MAP3K10: variants seen among roughly 807,000 people sequenced by gnomAD.
MAP3K10 encodes the protein MKN28 derived nonreceptor_type serine/threonine kinase.
MAP3K10 carries 22 observed loss-of-function variants against 75.0 expected under a neutral mutation model. The observed-to-expected ratio is 0.29, with a 90% CI of 0.21 to 0.42. MAP3K10 has a LOEUF of 0.42. Ranked by LOEUF, MAP3K10 falls within the 10% of genes least tolerant of loss-of-function variation. The pLI is 1.00. For synonymous variants in MAP3K10, 599 were observed against 612.9 expected, an observed-to-expected ratio of 0.98 and a Z score of 0.34; for missense variants, 1,165 against 1,379.8, an observed-to-expected ratio of 0.84 and a Z score of 2.47.
rs1206287181 is a variant in MAP3K10 at position 40,192,037 on chromosome 19, G to A, written c.6G>A (p.Glu2=). The part of the protein sequence containing the change: M[E]EEEGAVAKEW... The stretch of plus-strand genomic sequence containing the variant: ...CAGCCCCCGGCCCCTCCCCCATGGA[G>A]GAGGAGGAGGGGGCGGTGGCCAAGG... Residue 2 remains glutamate, a synonymous_variant, in exon 1 of 10, where the codon GAG becomes GAA. Transcript: ENST00000253055. The surrounding 1 kb of genome is among the most constrained non-coding windows in gnomAD (Gnocchi z 7.1). 2 of 1,430,716 alleles carry A rather than the reference G, an allele frequency of 1.4e-6. No individual in the cohort carries two copies. The highest frequency in any genetic ancestry group is 1.8e-6 in the Non-Finnish European group (2 of 1,094,718). 88.6% of individuals were successfully genotyped at this position (1,430,716 alleles called of 1,614,324 possible).
intron 6 of MAP3K10, among the ~76,000 whole-genome samples, chr19:40,211,186 G>A (rs1973231240): frequency 6.6e-6 from 1 of 152,136 alleles, no homozygotes; most frequent in Admixed American, 6.5e-5. Context: ...AGAACAGCAT[G>A]GGCTGCTTGT....
In MAP3K10 at chr19:40,192,266, G is replaced by A; in HGVS notation, c.235G>A (p.Gly79Ser). The A allele has an allele frequency of 6.2e-6, 10 of 1,602,300 alleles. No individual in the cohort carries two copies. The highest frequency in any genetic ancestry group is 8.5e-6 in the Non-Finnish European group (10 of 1,175,962). ...CTTCCCCAGCAACTACGTGGCCCCC[G>A]GCGCCCCCGCTGCACCCGCGGGCCT... Reference protein sequence around the residue: ...GVFPSNYVAPGAPAAPAGLQL... With the variant: ...GVFPSNYVAPSAPAAPAGLQL... The change falls in exon 1 of 10, where the codon GGC becomes AGC. Residue 79 changes from glycine to serine, a missense_variant. By Grantham distance (56) the Gly-to-Ser change is moderately conservative (BLOSUM62 0). This residue lies in a region of MAP3K10 where 575 missense variants were observed against 793.2 expected (regional missense o/e 0.72). Coordinates refer to ENST00000253055, the MANE Select transcript of MAP3K10 (RefSeq NM_002446.4). The surrounding 1 kb of genome is among the most constrained non-coding windows in gnomAD (Gnocchi z 7.1).
chr19:40,202,287 G>T (rs554493967), intron 2 of MAP3K10, among the ~76,000 whole-genome samples: 1 of 152,198 alleles, frequency 6.6e-6, no homozygotes, highest in South Asian at 2.1e-4. Context: ...TGATCCGCCC[G>T]CCTCGGCCTC....
chr19:40,204,699 C>T lies in MAP3K10; in HGVS notation c.1012+66C>T. 2.6e-6 allele frequency: 4 copies of T among 1,560,008 alleles called. No individual in the cohort carries two copies. Among genetic ancestry groups the T allele is most frequent in the Non-Finnish European group, 3.5e-6 (4 of 1,148,570 alleles). ...GTGGCAGGGACCTGTGGGCCCAGAC[C>T]TTTCCCCTTCACACCTATCCATACC... On this transcript the variant is annotated intron_variant, in intron 3 of 9. Transcript: ENST00000253055. This position sits in a 1 kb window ranked among gnomAD's most constrained non-coding sequence, Gnocchi z 4.3.
rs7259191 is a variant in MAP3K10 at position 40,211,992 on chromosome 19, T to G, written c.1553-813T>G. 4.4e-3 allele frequency among the ~76,000 whole-genome samples: 665 copies of G among 152,320 alleles called. 8 individuals carry two copies. Among genetic ancestry groups the G allele is most frequent in the African/African-American group, 0.015 (633 of 41,580 alleles). ...CTTCTGCCTGGGCCTCCCAAAGTGC[T>G]GGGATTCCAGGCAAGAGCCACCGCA... On this transcript the variant is annotated intron_variant, in intron 6 of 9. Coordinates refer to ENST00000253055, the MANE Select transcript of MAP3K10 (RefSeq NM_002446.4).
rs1430392363 is a variant in MAP3K10, at chr19:40,209,150, C to G, written c.1483C>G (p.Arg495Gly). The change falls in exon 6 of 10, where the codon CGG becomes GGG. Residue 495 changes from arginine (R) to glycine (G), a missense_variant. Physicochemically the swap from Arg to Gly is moderately radical, Grantham distance 125. This residue lies in a region of MAP3K10 where 575 missense variants were observed against 793.2 expected (regional missense o/e 0.72). Coordinates refer to ENST00000253055, the MANE Select transcript of MAP3K10 (RefSeq NM_002446.4). ...CCAGGCCTCTCCAACTCTGGATAAG[C>G]GGAAAGGATCCGATGGGGCCAGCCC... ...TVQASPTLDK[R>G]KGSDGASPPA... is the part of the protein sequence containing the mutation. 2 of 1,614,064 alleles carry G rather than the reference C, an allele frequency of 1.2e-6. No homozygotes were observed. Among genetic ancestry groups the G allele is most frequent in the Admixed American group, 3.3e-5 (2 of 60,004 alleles).
chr19:40,205,674 A>G lies in MAP3K10; in HGVS notation c.1189-237A>G, dbSNP rs1368716687. 2 of 525,138 alleles carry G rather than the reference A, an allele frequency of 3.8e-6. No homozygotes were observed. Among genetic ancestry groups the G allele is most frequent in the Non-Finnish European group, 6.6e-6 (2 of 301,356 alleles). The allele number at this position is 525,138 out of a possible 1,614,324, so 32.5% of individuals were successfully genotyped here. ...CTTTTGTGGATGTTTGAAGTTTTCT[A>G]AATTGAAGAGTTAAGAAAGAAAAAG... On this transcript the variant is annotated intron_variant, in intron 4 of 9. Transcript: ENST00000253055. This position sits in a 1 kb window ranked among gnomAD's most constrained non-coding sequence, Gnocchi z 4.3.
chr19:40,213,825 C>T lies in MAP3K10; in HGVS notation c.2146C>T (p.Arg716Cys), dbSNP rs746544827. 34 of 1,313,928 alleles carry T rather than the reference C, an allele frequency of 2.6e-5. No homozygotes were observed. The highest frequency in any genetic ancestry group is 3.1e-5 in the Non-Finnish European group (32 of 1,030,380). 81.4% of individuals were successfully genotyped at this position (1,313,928 alleles called of 1,614,324 possible). The stretch of plus-strand genomic sequence containing the variant: ...CGGCCTCTTCTTTCCCCGCGCCGGC[C>T]GCTTCCCGCGGGGCCTCAGCCCACC... Reference protein sequence around the residue: ...LDGLFFPRAGRFPRGLSPPAR... With the variant: ...LDGLFFPRAGCFPRGLSPPAR... The change falls in exon 9 of 10, where the codon CGC becomes TGC. Residue 716 changes from arginine to cysteine, a missense_variant. Coordinates refer to ENST00000253055, the MANE Select transcript of MAP3K10 (RefSeq NM_002446.4). This position sits in a 1 kb window ranked among gnomAD's most constrained non-coding sequence, Gnocchi z 5.7.
At chr19:40,195,781 C>T (rs1343715274) in intron 1 of MAP3K10, among the ~76,000 whole-genome samples, 33 of 152,106 alleles carry the variant, frequency 2.2e-4, no homozygotes, top group Non-Finnish European at 1.5e-5. Context: ...AGGCATGAGC[C>T]ACCGCGTCCA....
intron 1 of MAP3K10, among the ~76,000 whole-genome samples, chr19:40,195,471 C>CTTTT (rs61289931): frequency 0.05 from 2,414 of 48,568 alleles, 872 homozygotes; most frequent in Non-Finnish European, 0.083. Flanking sequence ...CCCGCCCGGC[C>CTTTT]TTTTTTTTTT....
At position 40,204,955 on chromosome 19, in the gene MAP3K10, T is replaced by G. The variant is rs528658957; in HGVS notation, c.1013-166T>G. ...GTTTCTCTCCCAGCGTTTCACTGAG[T>G]GGAATTGGCCAGGAGCTTGGCTTTG... On this transcript the variant is annotated intron_variant, in intron 3 of 9. Coordinates refer to ENST00000253055, the MANE Select transcript of MAP3K10 (RefSeq NM_002446.4). This position sits in a 1 kb window ranked among gnomAD's most constrained non-coding sequence, Gnocchi z 4.3. 6 of 700,618 alleles carry G rather than the reference T, an allele frequency of 8.6e-6. No individual in the cohort carries two copies. Among genetic ancestry groups the G allele is most frequent in the African/African-American group, 3.6e-5 (2 of 56,290 alleles). The allele number at this position is 700,618 out of a possible 1,614,324, so 43.4% of individuals were successfully genotyped here. A position where few individuals can be genotyped will look rare whatever the true frequency, so the allele number is the denominator to read the frequency against.
At chr19:40,193,448 G>A (rs1044787537) in intron 1 of MAP3K10, among the ~76,000 whole-genome samples, 39 of 152,300 alleles carry the variant, frequency 2.6e-4, no homozygotes, top group African/African-American at 7.9e-4. Context: ...AATAAATAAT[G>A]GAGCCAGGTA....
At position 40,214,002 on chromosome 19, in the gene MAP3K10, T is replaced by TCCCCCCCCCCCCCC; in HGVS notation, c.2327_2328insCCCCCCCCCCCCCC (p.Ser779ProfsTer48). The TCCCCCCCCCCCCCC allele has an allele frequency of 1.3e-6, 2 of 1,493,658 alleles. No individual in the cohort carries two copies. The highest frequency in any genetic ancestry group is 1.8e-6 in the Non-Finnish European group (2 of 1,123,848). 92.5% of individuals were successfully genotyped at this position (1,493,658 alleles called of 1,614,324 possible). On this transcript the variant is annotated frameshift_variant, in exon 9 of 10. Coordinates refer to ENST00000253055, the MANE Select transcript of MAP3K10 (RefSeq NM_002446.4). LOFTEE classifies it high-confidence loss of function. ...TGACGAGGCCGCACCGGCCGCGCCC[T>TCCCCCCCCCCCCCC]CCCCACCACCCTCCCCGCCCGCGCC...
intron 1 of MAP3K10, among the ~76,000 whole-genome samples, chr19:40,194,618 G>C (rs543562180): frequency 6.6e-6 from 1 of 152,284 alleles, no homozygotes; most frequent in South Asian, 2.1e-4. Context: ...GCTTCCTCCC[G>C]GGGTGATGGG....
At chr19:40,206,214 C>T (rs1314599037) in intron 5 of MAP3K10, 57 bp downstream of exon 5, 1 of 1,521,498 alleles carries the variant, frequency 6.6e-7, no homozygotes, top group Non-Finnish European at 8.8e-7. Context: ...CAGCCCCGAC[C>T]TAGGATTTAT....
At chr19:40,197,060 T>C (rs1280917769) in intron 1 of MAP3K10, among the ~76,000 whole-genome samples, 3 of 152,102 alleles carry the variant, frequency 2.0e-5, no homozygotes, top group Non-Finnish European at 4.4e-5. Flanking sequence ...AAACAGCCAT[T>C]GTGTATTACT....
intron 9 of MAP3K10, 102 bp from the exon 10 acceptor site, chr19:40,214,868 T>G (rs1973321011): frequency 4.6e-6 from 3 of 645,442 alleles, no homozygotes; most frequent in Non-Finnish European, 8.3e-6. Context: ...CACGGATTTC[T>G]CGAGAGAAAC....
intron 2 of MAP3K10, among the ~76,000 whole-genome samples, chr19:40,203,140 G>C (rs547278974): frequency 1.9e-3 from 295 of 152,270 alleles, no homozygotes; most frequent in Non-Finnish European, 3.5e-3. Flanking sequence ...AGGAGTTGGA[G>C]ACCAGCCTGG....
intron 1 of MAP3K10, among the ~76,000 whole-genome samples, chr19:40,196,113 G>A (rs541812316): frequency 6.6e-6 from 1 of 152,164 alleles, no homozygotes; most frequent in Admixed American, 6.6e-5. Flanking sequence ...GAGAAGTCTC[G>A]GTGTGAAGAT....
Sources: allele counts gnomAD v4.1 joint callset (sites outside exome capture counted in the v4.1 genomes callset), GRCh38; gene constraint gnomAD v4.1.1; regional missense constraint gnomAD v4.1.1; non-coding constraint Gnocchi (gnomAD v3.1); transcripts MANE v1.5; gene names NCBI Gene and HGNC (gene_info 2026-07-23, HGNC 2026-07-21).